ROBO1: variants seen among roughly 807,000 people sequenced by gnomAD.
The protein encoded by ROBO1 is roundabout guidance receptor 1, also known as roundabout homolog 1.
Under a neutral mutation model 195.9 loss-of-function variants are expected in ROBO1, and 149 were observed. That is an observed-to-expected ratio of 0.76 (90% CI 0.67 to 0.87). The LOEUF (loss-of-function observed/expected upper bound fraction) is 0.87. ROBO1 is among the 40% of genes least tolerant of loss of function. ROBO1 has a pLI of 0.00. For missense variants in ROBO1, 1,933 were observed against 2,068.3 expected (o/e 0.93, Z 1.27); for synonymous variants, 816 against 733.2 (o/e 1.11, Z -1.82).
At chr3:78,808,179 A>G (rs2108611529) in intron 4 of ROBO1, among the ~76,000 whole-genome samples, 1 of 152,272 alleles carries the variant, frequency 6.6e-6, no homozygotes, top group Admixed American at 6.5e-5. Flanking sequence ...CACATCCAAA[A>G]TTAATGCTGA....
chr3:79,195,560 C>T (rs1188558556), intron 2 of ROBO1, among the ~76,000 whole-genome samples: 1 of 151,224 alleles, frequency 6.6e-6, no homozygotes, highest in Non-Finnish European at 1.5e-5. Context: ...TGAGTTTGTT[C>T]TTGATTATAA....
At chr3:78,946,930 T>C (rs913145353) in intron 3 of ROBO1, among the ~76,000 whole-genome samples, 6 of 152,130 alleles carry the variant, frequency 3.9e-5, no homozygotes, top group African/African-American at 1.2e-4. Flanking sequence ...CAAAGAAGGC[T>C]ATTACATAAT....
chr3:78,826,713 A>G (rs892485466), intron 4 of ROBO1, among the ~76,000 whole-genome samples: 3 of 152,202 alleles, frequency 2.0e-5, no homozygotes, highest in Non-Finnish European at 2.9e-5. Flanking sequence ...GGCAGGATCT[A>G]GTTCTCCAAT....
intron 3 of ROBO1, among the ~76,000 whole-genome samples, chr3:78,959,091 T>C (rs2041206065): frequency 6.6e-6 from 1 of 152,042 alleles, no homozygotes; most frequent in Non-Finnish European, 1.5e-5. Flanking sequence ...GCATGAGCAC[T>C]GTACCGGCCC....
chr3:79,126,331 C>A (rs1054312595), intron 2 of ROBO1, among the ~76,000 whole-genome samples: 5 of 151,938 alleles, frequency 3.3e-5, no homozygotes, highest in Non-Finnish European at 5.9e-5. Context: ...TTCTGTTTTT[C>A]TTAAATTGCA....
rs563342083 is a variant in ROBO1, at chr3:78,646,928, A to G, written c.2839+701T>C. On this transcript the variant is annotated intron_variant, in intron 20 of 30. Coordinates refer to ENST00000464233, the MANE Select transcript of ROBO1 (RefSeq NM_002941.4). ...TGGTTAAGAAGATTAGCTTTTCTGT[A>G]AATACAGACACATTTTCTAAGAAGA... Among the ~76,000 whole-genome samples the G allele has an allele frequency of 3.3e-5, 5 of 152,138 alleles. No homozygotes were observed. The East Asian group carries it at 9.7e-4, about 29-fold the overall frequency.
intron 2 of ROBO1, among the ~76,000 whole-genome samples, chr3:79,397,154 G>A (rs1460669867): frequency 6.6e-6 from 1 of 151,530 alleles, no homozygotes; most frequent in African/African-American, 2.4e-5. Flanking sequence ...AGTATTTCTA[G>A]TTTATAAAAC....
intron 2 of ROBO1, among the ~76,000 whole-genome samples, chr3:79,427,752 A>T (rs1221423841): frequency 1.3e-5 from 2 of 152,166 alleles, no homozygotes; most frequent in South Asian, 4.1e-4. Context: ...ATAAGAATGA[A>T]ACTAGACTGG....
chr3:79,186,837 T>A (rs900862061), intron 2 of ROBO1, among the ~76,000 whole-genome samples: 3 of 152,070 alleles, frequency 2.0e-5, no homozygotes, highest in Non-Finnish European at 4.4e-5. Context: ...TAGCCTCTAA[T>A]TAGGAATATC....
chr3:78,792,356 T>C (rs972105438), intron 4 of ROBO1, among the ~76,000 whole-genome samples: 11 of 152,214 alleles, frequency 7.2e-5, no homozygotes, highest in African/African-American at 2.2e-4. Context: ...TTCTTGCAAC[T>C]GTTATGAGTT....
chr3:78,615,121 ATACT>A (rs939474747), intron 27 of ROBO1, among the ~76,000 whole-genome samples: 6 of 152,234 alleles, frequency 3.9e-5, no homozygotes, highest in African/African-American at 1.2e-4. Context: ...CTAAAACGTT[ATACT>A]TAAACAAAAA....
intron 2 of ROBO1, among the ~76,000 whole-genome samples, chr3:79,471,362 G>C (rs774670075): frequency 2.6e-5 from 4 of 152,068 alleles, no homozygotes; most frequent in Non-Finnish European, 5.9e-5. Flanking sequence ...AGTGCAAAGA[G>C]ACAACCTATA....
chr3:78,778,592 T>C (rs2083575884), intron 4 of ROBO1, among the ~76,000 whole-genome samples: 2 of 152,220 alleles, frequency 1.3e-5, no homozygotes, highest in South Asian at 4.1e-4. Flanking sequence ...CAAGGAGAAC[T>C]ACAAACTACT....
chr3:79,272,070 T>C lies in ROBO1; in HGVS notation c.89-146531A>G, dbSNP rs1214208279. ...ATGTAAGAGGAAATATAGAGCTAAA[T>C]CTATTTTTAAAAGGTCAGTGTCGCA... On this transcript the variant is annotated intron_variant, in intron 2 of 30. Transcript: ENST00000464233. Among the ~76,000 whole-genome samples, 5 of 151,978 alleles carry C rather than the reference T, an allele frequency of 3.3e-5. No homozygotes were observed. In the South Asian group the frequency reaches 8.3e-4, roughly 25 times the overall value.
rs971574970 is a variant in ROBO1, at chr3:79,003,920, C to T, written c.173-64993G>A. Among the ~76,000 whole-genome samples the T allele has an allele frequency of 4.0e-4, 61 of 152,156 alleles. 1 individual carries two copies. The highest frequency in any genetic ancestry group is 1.4e-3 in the African/African-American group (59 of 41,448). On this transcript the variant is annotated intron_variant, in intron 3 of 30. Transcript: ENST00000464233. ...CATATTACAGATGAAAAACCACATA[C>T]CCATGGCATGGTGAAAAACTATTTA... is the stretch of plus-strand genomic sequence containing the variant.
Position 78,619,981 on chromosome 3 carries a change from G to C in ROBO1, c.3876-1940C>G, listed in dbSNP as rs574427777. ...TGCAGTGAGCCAAGATCAAACCATTGCACTCTAGCCTGGGTGACAGAGTGA... is the reference window on the plus strand; with the variant it reads ...TGCAGTGAGCCAAGATCAAACCATTCCACTCTAGCCTGGGTGACAGAGTGA... On this transcript the variant is annotated intron_variant, in intron 26 of 30. Transcript: ENST00000464233. Among the ~76,000 whole-genome samples, 306 of 147,944 alleles carry C rather than the reference G, an allele frequency of 2.1e-3. 5 individuals carry two copies. The highest frequency in any genetic ancestry group is 7.3e-3 in the African/African-American group (292 of 39,830).
intron 1 of ROBO1, among the ~76,000 whole-genome samples, chr3:79,614,661 G>T (rs1053606067): frequency 1.3e-5 from 2 of 152,006 alleles, no homozygotes; most frequent in Non-Finnish European, 2.9e-5. Flanking sequence ...ATAAATGTAA[G>T]ATTTCTGTGC....
intron 2 of ROBO1, among the ~76,000 whole-genome samples, chr3:79,416,274 G>A (rs752424191): frequency 6.6e-6 from 1 of 151,854 alleles, no homozygotes; most frequent in Non-Finnish European, 1.5e-5. Context: ...AAATGGCTTC[G>A]AGTTGTAGTG....
At chr3:79,364,973 G>T (rs1229630077) in intron 2 of ROBO1, among the ~76,000 whole-genome samples, 1 of 152,082 alleles carries the variant, frequency 6.6e-6, no homozygotes, top group Non-Finnish European at 1.5e-5. Context: ...CTGAATACCT[G>T]GGGAAACTTC....
Sources: allele counts gnomAD v4.1 joint callset (sites outside exome capture counted in the v4.1 genomes callset), GRCh38; gene constraint gnomAD v4.1.1; transcripts MANE v1.5; gene names NCBI Gene and HGNC (gene_info 2026-07-23, HGNC 2026-07-21).